The following THRB variants were observed in gnomAD, a reference collection of about 807,000 sequenced individuals.
The protein encoded by THRB is nuclear receptor subfamily 1 group A member 2.
A neutral mutation model predicts 47.8 loss-of-function variants in THRB; 12 were observed. The ratio of observed to expected loss-of-function variants is 0.25; its 90% CI spans 0.16 to 0.41. The LOEUF (loss-of-function observed/expected upper bound fraction) is 0.41, where lower values mean the gene tolerates loss of function less well. Among genes scored for constraint, THRB ranks in the 10% least tolerant of loss-of-function variants. The pLI, the probability that THRB is intolerant of heterozygous loss-of-function variation, is 1.00. For synonymous variants in THRB, 218 were observed against 212.2 expected, an observed-to-expected ratio of 1.03 and a Z score of -0.24; for missense variants, 348 against 589.2, an observed-to-expected ratio of 0.59 and a Z score of 4.24.
At chr3:24,188,027 GA>G (rs2042824707) in intron 5 of THRB, among the ~76,000 whole-genome samples, 1 of 152,154 alleles carries the variant, frequency 6.6e-6, no homozygotes, top group African/African-American at 2.4e-5. Context: ...GGATCTTGAG[GA>G]AGGACTTTAA....
intron 1 of THRB, among the ~76,000 whole-genome samples, chr3:24,410,700 T>C (rs1367607814): frequency 6.6e-6 from 1 of 151,886 alleles, no homozygotes; most frequent in African/African-American, 2.4e-5. Flanking sequence ...AATAATTTCA[T>C]GAGTGGACAA....
chr3:24,436,349 A>G (rs150450953), intron 1 of THRB, among the ~76,000 whole-genome samples: 20 of 152,198 alleles, frequency 1.3e-4, no homozygotes, highest in Non-Finnish European at 2.9e-4. Context: ...TCATAGTCTC[A>G]GAAAAGGATG....
At chr3:24,162,324 T>C (rs2038985129) in intron 5 of THRB, among the ~76,000 whole-genome samples, 1 of 152,158 alleles carries the variant, frequency 6.6e-6, no homozygotes, top group Non-Finnish European at 1.5e-5. Context: ...CTCCTGAATT[T>C]GCAGGGGCCA....
intron 1 of THRB, among the ~76,000 whole-genome samples, chr3:24,493,125 G>A (rs972430986): frequency 6.6e-6 from 1 of 152,142 alleles, no homozygotes. Context: ...AAAACACTTA[G>A]CCACCTGGCA....
At position 24,152,379 on chromosome 3, in the gene THRB, A is replaced by AG; in HGVS notation, c.384+10dup. ...GGCTAAGCTCTGTGCTTGTGGACCCAGGGCAATTACCTTGCAGCCTTCACA... is the reference window on the plus strand; with the variant it reads ...GGCTAAGCTCTGTGCTTGTGGACCCAGGGGCAATTACCTTGCAGCCTTCACA... On this transcript the variant is annotated intron_variant, in intron 6 of 10. Transcript: ENST00000646209. The AG allele has an allele frequency of 3.2e-6, 5 of 1,566,124 alleles. No homozygotes were observed. Among genetic ancestry groups the AG allele is most frequent in the Non-Finnish European group, 4.4e-6 (5 of 1,136,418 alleles).
intron 1 of THRB, among the ~76,000 whole-genome samples, chr3:24,435,651 C>T (rs574351380): frequency 1.7e-4 from 26 of 152,298 alleles, no homozygotes; most frequent in African/African-American, 6.3e-4. Context: ...TTCCCATATT[C>T]CCACAATGCC....
intron 1 of THRB, among the ~76,000 whole-genome samples, chr3:24,381,356 A>G (rs2065698640): frequency 6.6e-6 from 1 of 152,138 alleles, no homozygotes; most frequent in African/African-American, 2.4e-5. Context: ...GAGTTGAACA[A>G]ATTTGGGGAC....
At chr3:24,328,569 C>T (rs1250903446) in intron 2 of THRB, among the ~76,000 whole-genome samples, 1 of 152,186 alleles carries the variant, frequency 6.6e-6, no homozygotes, top group African/African-American at 2.4e-5. Context: ...CAGGACTCAT[C>T]CTTGATGGCT....
chr3:24,421,479 C>A (rs2069256746), intron 1 of THRB, among the ~76,000 whole-genome samples: 1 of 151,738 alleles, frequency 6.6e-6, no homozygotes, highest in African/African-American at 2.4e-5. Context: ...AGGGCCCTAG[C>A]ACTGAGGACT....
chr3:24,234,437 G>C (rs1181342606), intron 3 of THRB, among the ~76,000 whole-genome samples: 1 of 152,196 alleles, frequency 6.6e-6, no homozygotes, highest in Admixed American at 6.5e-5. Context: ...TGGGAGCAAA[G>C]AGAAGAGAAC....
chr3:24,135,842 T>TAA (rs1559422387), intron 8 of THRB, among the ~76,000 whole-genome samples: 1 of 123,348 alleles, frequency 8.1e-6, no homozygotes, highest in African/African-American at 3.1e-5. Context: ...TATATATATA[T>TAA]ATATAATACA....
chr3:24,299,764 T>C (rs1429774082), intron 2 of THRB, among the ~76,000 whole-genome samples: 1 of 80,412 alleles, frequency 1.2e-5, no homozygotes, highest in African/African-American at 5.0e-5. Flanking sequence ...TGGGGAAGTA[T>C]GCTTTTTTAT....
intron 3 of THRB, among the ~76,000 whole-genome samples, chr3:24,284,514 G>C (rs1373667556): frequency 6.6e-6 from 1 of 151,942 alleles, no homozygotes; most frequent in Non-Finnish European, 1.5e-5. Context: ...TCAGGACATA[G>C]GCATGGGGAA....
chr3:24,378,312 T>C (rs2065445066), intron 1 of THRB, among the ~76,000 whole-genome samples: 1 of 152,232 alleles, frequency 6.6e-6, no homozygotes, highest in Non-Finnish European at 1.5e-5. Flanking sequence ...AGTAAAATTA[T>C]ATTTGCTCAT....
At chr3:24,207,009 TACCAACCAAAAAAAGTCCAGG>T (rs1202549513) in intron 4 of THRB, among the ~76,000 whole-genome samples, 1 of 152,100 alleles carries the variant, frequency 6.6e-6, no homozygotes, top group East Asian at 1.9e-4. Flanking sequence ...ATTAATAGCC[TACCAACCAAAAAAAGTCCAGG>T]ACCAGACGGA....
chr3:24,451,072 C>T (rs955376364), intron 1 of THRB, among the ~76,000 whole-genome samples: 1 of 152,094 alleles, frequency 6.6e-6, no homozygotes, highest in Non-Finnish European at 1.5e-5. Flanking sequence ...GCTCAAAACT[C>T]CATAAATATT....
intron 1 of THRB, among the ~76,000 whole-genome samples, chr3:24,427,819 A>C (rs984199349): frequency 6.6e-6 from 1 of 152,082 alleles, no homozygotes; most frequent in Non-Finnish European, 1.5e-5. Flanking sequence ...TCATAGTATC[A>C]CAGTATCTTT....
Position 24,340,400 on chromosome 3 carries a change from T to TTCTC in THRB, c.-260-3033_-260-3030dup, listed in dbSNP as rs145048631. Among the ~76,000 whole-genome samples, 1,102 of 148,656 alleles carry TTCTC rather than the reference T, an allele frequency of 7.4e-3. 3 individuals carry two copies. Among genetic ancestry groups the TTCTC allele is most frequent in the Non-Finnish European group, 0.01 (690 of 66,874 alleles). On this transcript the variant is annotated intron_variant, in intron 1 of 10. Transcript: ENST00000646209. ...CTTCCTCCTCCTCTTCCACCTTCTT[T>TTCTC]TCTCTCTCTCTCTCTCTCTCTCATC...
At chr3:24,308,837 G>A (rs935114553) in intron 2 of THRB, among the ~76,000 whole-genome samples, 4 of 152,050 alleles carry the variant, frequency 2.6e-5, no homozygotes, top group Non-Finnish European at 4.4e-5. Flanking sequence ...TTCATTTATG[G>A]AATAGGTGCA....
Sources: gnomAD v4.1 joint callset for allele counts (sites outside exome capture counted in the v4.1 genomes callset) on GRCh38, gnomAD v4.1.1 for gene constraint, MANE v1.5 for transcripts, NCBI Gene and HGNC (gene_info 2026-07-23, HGNC 2026-07-21) for gene names.